The following SYNGR1 variants were observed in gnomAD, a reference collection of about 807,000 sequenced individuals.
SYNGR1 encodes the protein synaptogyrin-1.
In SYNGR1, 14 loss-of-function variants were observed where a neutral mutation model predicts 26.1. The observed-to-expected ratio is 0.54, with a 90% CI of 0.35 to 0.84. The LOEUF (loss-of-function observed/expected upper bound fraction) is 0.84. Among genes scored for constraint, SYNGR1 ranks in the 40% least tolerant of loss-of-function variants. The probability of loss-of-function intolerance (pLI) is 0.01; values close to 1 mark genes in which losing one functional copy is unlikely to be tolerated. For synonymous variants in SYNGR1, 141 were observed against 150.1 expected (o/e 0.94, Z 0.44); for missense variants, 319 against 332.9 (o/e 0.96, Z 0.33).
chr22:39,375,127 T>C, intron 2 of SYNGR1: 1 of 166,926 alleles, frequency 6.0e-6, no homozygotes, highest in South Asian at 1.5e-4. Flanking sequence ...CAGTCAGGGG[T>C]CCGAACCCGA....
At chr22:39,363,231 A>C (rs939298231) in intron 1 of SYNGR1, among the ~76,000 whole-genome samples, 1 of 149,268 alleles carries the variant, frequency 6.7e-6, no homozygotes, top group Non-Finnish European at 1.5e-5. Flanking sequence ...TGGTGGGGGA[A>C]GGTCTTTACC....
At chr22:39,361,068 C>T (rs1924449969) in intron 1 of SYNGR1, among the ~76,000 whole-genome samples, 1 of 152,214 alleles carries the variant, frequency 6.6e-6, no homozygotes, top group South Asian at 2.1e-4. Context: ...TCAAATATCA[C>T]CTCCCTGTGA....
intron 2 of SYNGR1, 198 bp from the exon 3 acceptor site, chr22:39,375,854 T>C: frequency 1.4e-6 from 1 of 729,254 alleles, no homozygotes. Context: ...CTGGCTGGCT[T>C]CCCTCTTCTC....
At chr22:39,374,645 C>T (rs769526625) in intron 2 of SYNGR1, 92 bp downstream of exon 2, 2 of 1,368,706 alleles carry the variant, frequency 1.5e-6, no homozygotes, top group Admixed American at 1.8e-5. Context: ...TCCCATGTTT[C>T]AGATGAGGAA....
At chr22:39,365,499 C>T (rs186203883) in intron 1 of SYNGR1, among the ~76,000 whole-genome samples, 224 of 152,324 alleles carry the variant, frequency 1.5e-3, no homozygotes, top group African/African-American at 5.3e-3. Flanking sequence ...CAAGTCTCTG[C>T]TCCTCCTCCC....
chr22:39,365,769 G>A (rs1210871762), intron 1 of SYNGR1, among the ~76,000 whole-genome samples: 2 of 151,960 alleles, frequency 1.3e-5, no homozygotes, highest in African/African-American at 4.8e-5. Context: ...TGCAGGCGAC[G>A]GCTCTGCTCC....
chr22:39,380,561 G>T (rs1342460616), intron 3 of SYNGR1, among the ~76,000 whole-genome samples: 2 of 146,628 alleles, frequency 1.4e-5, no homozygotes, highest in Admixed American at 6.8e-5. Flanking sequence ...GGCTAATTTG[G>T]TTTTTGTGGA....
intron 1 of SYNGR1, among the ~76,000 whole-genome samples, chr22:39,354,860 T>G (rs146383750): frequency 1.1e-3 from 148 of 133,140 alleles, no homozygotes; most frequent in African/African-American, 3.4e-3. Context: ...AAAAAAAAGC[T>G]GAACGTTTTT....
chr22:39,359,743 C>G (rs1463468705), intron 1 of SYNGR1, among the ~76,000 whole-genome samples: 1 of 151,924 alleles, frequency 6.6e-6, no homozygotes, highest in Non-Finnish European at 1.5e-5. Context: ...TTCTGTGACC[C>G]TTTCCACACC....
intron 1 of SYNGR1, among the ~76,000 whole-genome samples, chr22:39,373,470 A>G (rs1399213193): frequency 1.4e-5 from 2 of 145,100 alleles, no homozygotes; most frequent in African/African-American, 5.2e-5. Context: ...CTGGCCCGAG[A>G]GTTTTTTGTT....
At chr22:39,378,492 C>G in intron 3 of SYNGR1, 2 of 984,448 alleles carry the variant, frequency 2.0e-6, no homozygotes, top group Non-Finnish European at 2.4e-6. Context: ...GGATTTTGGT[C>G]TCTGGTTCTA....
At position 39,367,252 on chromosome 22, in the gene SYNGR1, C is replaced by T. The variant is rs368824328; in HGVS notation, c.100-7064C>T. Among the ~76,000 whole-genome samples, 72 of 152,334 alleles carry T rather than the reference C, an allele frequency of 4.7e-4. No homozygotes were observed. The East Asian group carries it at 6.7e-3, about 14-fold the overall frequency. On this transcript the variant is annotated intron_variant, in intron 1 of 3. Transcript: ENST00000328933. The stretch of plus-strand genomic sequence containing the variant: ...AGGTGCTCAGGAAATGTTGAGTGAA[C>T]GAACGGCTGATGTCAAGCCCCAGAA...
chr22:39,381,609 AACC>A, intron 3 of SYNGR1, 84 bp from the exon 4 acceptor site: 1 of 1,381,680 alleles, frequency 7.2e-7, no homozygotes, highest in Non-Finnish European at 1.0e-6. Context: ...CCTGTGAACT[AACC>A]ACCACTAACC....
At chr22:39,357,863 G>T (rs1433451304) in intron 1 of SYNGR1, among the ~76,000 whole-genome samples, 1 of 152,226 alleles carries the variant, frequency 6.6e-6, no homozygotes, top group Admixed American at 6.5e-5. Flanking sequence ...CCTGCAGCCC[G>T]CCATGCCTAA....
intron 1 of SYNGR1, among the ~76,000 whole-genome samples, chr22:39,358,085 A>G (rs1011679075): frequency 1.3e-5 from 2 of 152,136 alleles, no homozygotes; most frequent in Non-Finnish European, 2.9e-5. Context: ...GGACGTGGAG[A>G]GTCTTTATGT....
intron 1 of SYNGR1, among the ~76,000 whole-genome samples, chr22:39,361,833 G>T (rs1924486160): frequency 6.6e-6 from 1 of 152,048 alleles, no homozygotes; most frequent in South Asian, 2.1e-4. Context: ...TGGTGATGTT[G>T]CTCCCCTCTC....
At chr22:39,363,344 C>T (rs553802312) in intron 1 of SYNGR1, among the ~76,000 whole-genome samples, 1 of 150,606 alleles carries the variant, frequency 6.6e-6, no homozygotes, top group African/African-American at 2.4e-5. Context: ...TATGAGGGGA[C>T]AGAGTGTGGG....
At chr22:39,372,317 G>A (rs184000096) in intron 1 of SYNGR1, among the ~76,000 whole-genome samples, 1 of 151,354 alleles carries the variant, frequency 6.6e-6, no homozygotes, top group Non-Finnish European at 1.5e-5. Flanking sequence ...ATTTTTAGTA[G>A]AGACAGGATT....
At position 39,354,843 on chromosome 22, in the gene SYNGR1, T is replaced by TAAA. The variant is rs137704; in HGVS notation, c.99+4746_99+4748dup. Among the ~76,000 whole-genome samples, 338 of 141,276 alleles carry TAAA rather than the reference T, an allele frequency of 2.4e-3. 4 individuals carry two copies. The highest frequency in any genetic ancestry group is 7.7e-3 in the South Asian group (35 of 4,524). 92.7% of individuals were successfully genotyped at this position (141,276 alleles called of 152,430 possible). ...AACAAAAGCAAAACTCTGTCTCAAA[T>TAAA]AAAAAAAAAAAAAAGCTGAACGTTT... On this transcript the variant is annotated intron_variant, in intron 1 of 3. Coordinates refer to ENST00000328933, the MANE Select transcript of SYNGR1 (RefSeq NM_004711.5).
Sources: gnomAD v4.1 joint callset for allele counts (sites outside exome capture counted in the v4.1 genomes callset) on GRCh38, gnomAD v4.1.1 for gene constraint, MANE v1.5 for transcripts, NCBI Gene and HGNC (gene_info 2026-07-23, HGNC 2026-07-21) for gene names.